SLIT3: variants seen among roughly 807,000 people sequenced by gnomAD.
The protein encoded by SLIT3 is slit homolog 3 protein.
Under a neutral mutation model 184.0 loss-of-function variants are expected in SLIT3, and 68 were observed. The ratio of observed to expected loss-of-function variants is 0.37; its 90% CI spans 0.30 to 0.45. SLIT3 has a LOEUF of 0.45. SLIT3 is among the 20% of genes least tolerant of loss of function. The probability of loss-of-function intolerance (pLI) is 1.00; values close to 1 mark genes in which losing one functional copy is unlikely to be tolerated. For synonymous variants in SLIT3, 831 were observed against 828.6 expected, an observed-to-expected ratio of 1.00 and a Z score of -0.05; for missense variants, 1,707 against 2,026.0, an observed-to-expected ratio of 0.84 and a Z score of 3.02.
chr5:168,939,635 T>G (rs1762270686), intron 4 of SLIT3, among the ~76,000 whole-genome samples: 2 of 152,230 alleles, frequency 1.3e-5, no homozygotes, highest in South Asian at 4.1e-4. Flanking sequence ...CACTTTCAGA[T>G]GTACACAATC....
At position 168,918,364 on chromosome 5, in the gene SLIT3, T is replaced by C. The variant is rs1045448979; in HGVS notation, c.414-35028A>G. ...TACATATATATGCATTTCTGCCTGA[T>C]GTTCTGACTTGCATCAGAACAAAAA... On this transcript the variant is annotated intron_variant, in intron 4 of 35. Transcript: ENST00000519560. 3.9e-5 allele frequency among the ~76,000 whole-genome samples: 6 copies of C among 152,212 alleles called. No homozygotes were observed. The East Asian group carries it at 5.8e-4, about 15-fold the overall frequency.
Position 169,268,735 on chromosome 5 carries a change from AG to A in SLIT3, c.198-17277del, listed in dbSNP as rs1328637594. Reference sequence around the variant, plus strand: ...GTTAGCAGCACTTGCAGAACCTCAGAGGGTTTTTGAGATGCTCAAGTGAGCC... The same window carrying A: ...GTTAGCAGCACTTGCAGAACCTCAGAGGTTTTTGAGATGCTCAAGTGAGCC... On this transcript the variant is annotated intron_variant, in intron 1 of 35. Coordinates refer to ENST00000519560, the MANE Select transcript of SLIT3 (RefSeq NM_003062.4). Among the ~76,000 whole-genome samples, 4 of 152,220 alleles carry A rather than the reference AG, an allele frequency of 2.6e-5. No homozygotes were observed. In the East Asian group the frequency reaches 5.8e-4, roughly 22 times the overall value.
At position 168,924,508 on chromosome 5, in the gene SLIT3, A is replaced by ATGTG. The variant is rs35121067; in HGVS notation, c.414-41176_414-41173dup. On this transcript the variant is annotated intron_variant, in intron 4 of 35. Transcript: ENST00000519560. Reference sequence around the variant, plus strand: ...GGTGTGTAAGGGTGTGTGTGTGTGTATGTGTGTGTGTGTGTGTGTGTAGCT... The same window carrying ATGTG: ...GGTGTGTAAGGGTGTGTGTGTGTGTATGTGTGTGTGTGTGTGTGTGTGTGTAGCT... Among the ~76,000 whole-genome samples the ATGTG allele has an allele frequency of 4.8e-3, 680 of 141,910 alleles. 6 individuals carry two copies. Among genetic ancestry groups the ATGTG allele is most frequent in the African/African-American group, 0.013 (489 of 37,106 alleles). 93.1% of individuals were successfully genotyped at this position (141,910 alleles called of 152,430 possible).
At chr5:169,079,269 GCTGTTGTTCCACAC>G (rs1274865825) in intron 4 of SLIT3, among the ~76,000 whole-genome samples, 3 of 152,164 alleles carry the variant, frequency 2.0e-5, no homozygotes, top group Non-Finnish European at 2.9e-5. Context: ...AAGGGATGAG[GCTGTTGTTCCACAC>G]CTGCCTGCTT....
chr5:168,780,692 G>T (rs1035022917), intron 12 of SLIT3, among the ~76,000 whole-genome samples: 4 of 152,158 alleles, frequency 2.6e-5, no homozygotes, highest in African/African-American at 9.7e-5. Context: ...CAAACCTTCC[G>T]CATTAATATG....
At chr5:169,171,359 A>G (rs2113417682) in intron 4 of SLIT3, among the ~76,000 whole-genome samples, 1 of 152,344 alleles carries the variant, frequency 6.6e-6, no homozygotes, top group East Asian at 1.9e-4. Flanking sequence ...AAGGTATCCC[A>G]GGCAGGGAGA....
intron 4 of SLIT3, among the ~76,000 whole-genome samples, chr5:168,895,521 A>G (rs769641549): frequency 6.6e-6 from 1 of 152,214 alleles, no homozygotes; most frequent in Non-Finnish European, 1.5e-5. Flanking sequence ...GCTCAAAATT[A>G]TCTTCCACCA....
Position 168,762,630 on chromosome 5 carries a change from C to G in SLIT3, c.1519G>C (p.Glu507Gln). Residue 507 changes from glutamate to glutamine, a missense_variant, in exon 15 of 36, where the codon GAG becomes CAG. Glu to Gln is a conservative substitution (Grantham distance 29). Coordinates refer to ENST00000519560, the MANE Select transcript of SLIT3 (RefSeq NM_003062.4). The part of the protein sequence containing the change: ...SECFMDLVCP[E>Q]KCRCEGTIVD... ...ATCGTGCCCTCACAGCGACACTTCT[C>G]GGGGCACACGAGGTCCATGAAGCAC... is the stretch of plus-strand genomic sequence containing the variant. 1 of 1,614,116 alleles carries G rather than the reference C, an allele frequency of 6.2e-7. No individual in the cohort carries two copies. Among genetic ancestry groups the G allele is most frequent in the East Asian group, 2.2e-5 (1 of 44,866 alleles).
intron 12 of SLIT3, among the ~76,000 whole-genome samples, chr5:168,775,842 T>G (rs1755727904): frequency 6.6e-6 from 1 of 152,044 alleles, no homozygotes; most frequent in African/African-American, 2.4e-5. Flanking sequence ...TGGGTGGAAG[T>G]CTGGGAAAGC....
chr5:168,978,169 G>C (rs1561586148), intron 4 of SLIT3, among the ~76,000 whole-genome samples: 1 of 152,212 alleles, frequency 6.6e-6, no homozygotes, highest in Non-Finnish European at 1.5e-5. Context: ...CAAGAGGAAG[G>C]AAAGACACCC....
chr5:168,869,392 G>A (rs1759429366), intron 5 of SLIT3, among the ~76,000 whole-genome samples: 1 of 152,178 alleles, frequency 6.6e-6, no homozygotes, highest in Non-Finnish European at 1.5e-5. Context: ...TCTGTAAACT[G>A]GTGATGGTAA....
chr5:169,049,822 A>G (rs1305526301), intron 4 of SLIT3, among the ~76,000 whole-genome samples: 1 of 152,144 alleles, frequency 6.6e-6, no homozygotes, highest in Non-Finnish European at 1.5e-5. Flanking sequence ...AAAATACAAG[A>G]GTTCTGTAGT....
intron 3 of SLIT3, among the ~76,000 whole-genome samples, chr5:169,198,374 G>A (rs1437454355): frequency 2.0e-5 from 3 of 152,146 alleles, no homozygotes; most frequent in Non-Finnish European, 2.9e-5. Context: ...AGACAGAGGT[G>A]GAGACTTCTA....
intron 4 of SLIT3, among the ~76,000 whole-genome samples, chr5:169,081,027 C>T (rs60230022): frequency 0.063 from 9,641 of 152,278 alleles, 394 homozygotes; most frequent in East Asian, 0.21. Context: ...TGGCTGCCCC[C>T]GCCCCCCTTC....
chr5:169,086,566 T>G (rs1210499002), intron 4 of SLIT3, among the ~76,000 whole-genome samples: 1 of 152,198 alleles, frequency 6.6e-6, no homozygotes, highest in Non-Finnish European at 1.5e-5. Flanking sequence ...GAGATAGTAT[T>G]TTTTTCCTTG....
At chr5:168,789,429 A>C (rs1756273609) in intron 11 of SLIT3, 131 bp downstream of exon 11, 4 of 627,222 alleles carry the variant, frequency 6.4e-6, no homozygotes, top group Non-Finnish European at 1.1e-5. Flanking sequence ...TGTTTCTTTT[A>C]CCAGGTTGCC....
chr5:168,837,924 A>T (rs2113701002), intron 6 of SLIT3, among the ~76,000 whole-genome samples: 1 of 152,110 alleles, frequency 6.6e-6, no homozygotes. Flanking sequence ...CTATGAGAGG[A>T]CTCTAACCCC....
chr5:168,967,218 A>G (rs560604410), intron 4 of SLIT3, among the ~76,000 whole-genome samples: 88 of 152,116 alleles, frequency 5.8e-4, no homozygotes, highest in African/African-American at 2.0e-3. Context: ...CCAATGCTAT[A>G]AATGTGTGTG....
chr5:169,129,018 G>C lies in SLIT3; in HGVS notation c.413+64461C>G, dbSNP rs151137951. Among the ~76,000 whole-genome samples, 24 of 152,288 alleles carry C rather than the reference G, an allele frequency of 1.6e-4. No homozygotes were observed. In the East Asian group the frequency reaches 4.6e-3, roughly 29 times the overall value. ...CAGCAGCATCAAACTGTGGTTATAA[G>C]ACACTTGGAATTGGACTTGGACACG... On this transcript the variant is annotated intron_variant, in intron 4 of 35. Coordinates refer to ENST00000519560, the MANE Select transcript of SLIT3 (RefSeq NM_003062.4).
Sources: allele counts gnomAD v4.1 joint callset (sites outside exome capture counted in the v4.1 genomes callset), GRCh38; gene constraint gnomAD v4.1.1; transcripts MANE v1.5; gene names NCBI Gene and HGNC (gene_info 2026-07-23, HGNC 2026-07-21).